The following EFNB1 variants were observed in gnomAD, a reference collection of about 807,000 sequenced individuals.
EFNB1 encodes ephrin-B1.
EFNB1 carries 1 observed loss-of-function variant against 18.1 expected under a neutral mutation model. The observed-to-expected ratio is 0.06, with a 90% CI of 0.02 to 0.26. The LOEUF (loss-of-function observed/expected upper bound fraction) is 0.26. Ranked by LOEUF, EFNB1 falls within the 10% of genes least tolerant of loss-of-function variation. EFNB1 has a pLI of 1.00. For synonymous variants in EFNB1, 131 were observed against 127.5 expected (o/e 1.03, Z -0.19); for missense variants, 221 against 301.8 (o/e 0.73, Z 1.98).
At chrX:68,833,083 TG>T (rs1219937120) in intron 1 of EFNB1, among the ~76,000 whole-genome samples, 1 of 101,351 alleles carries the variant, frequency 9.9e-6, no homozygotes, top group Admixed American at 1.0e-4. Context: ...GGGGTGGGGG[TG>T]GGGGGGTTCA....
chrX:68,832,707 A>T (rs1569396953), intron 1 of EFNB1, among the ~76,000 whole-genome samples: 2 of 110,975 alleles, frequency 1.8e-5, no homozygotes. Context: ...GAGTGGCAGG[A>T]GCTTCTGCCT....
At chrX:68,834,761 G>T (rs923570691) in intron 1 of EFNB1, among the ~76,000 whole-genome samples, 3 of 112,556 alleles carry the variant, frequency 2.7e-5, no homozygotes, top group Non-Finnish European at 3.8e-5. Context: ...ACTTGGGCTT[G>T]CATGGCCTAG....
chrX:68,829,752 C>A lies in EFNB1; in HGVS notation c.-25C>A. 1 of 1,181,715 alleles carries A rather than the reference C, an allele frequency of 8.5e-7. No homozygotes were observed. On this transcript the variant is annotated 5_prime_UTR_variant, in exon 1 of 5. Transcript: ENST00000204961. ...TTGGTGAGGAGGCGCCAAGGGATCCCGAAGTGCAGTCTGCCCCCGGGAAGA... is the reference window on the plus strand; with the variant it reads ...TTGGTGAGGAGGCGCCAAGGGATCCAGAAGTGCAGTCTGCCCCCGGGAAGA...
chrX:68,838,980 C>T (rs917291771), intron 2 of EFNB1, 86 bp downstream of exon 2: 57 of 1,089,893 alleles, frequency 5.2e-5, no homozygotes, highest in Non-Finnish European at 6.8e-5. Flanking sequence ...CTAAGTGGTG[C>T]AATGCTATTG....
At chrX:68,839,812 A>T in intron 3 of EFNB1, 56 bp downstream of exon 3, 2 of 1,179,842 alleles carry the variant, frequency 1.7e-6, no homozygotes, top group South Asian at 1.8e-5. Flanking sequence ...TTTGGAACAG[A>T]TGTTCCTGGC....
In EFNB1 at chrX:68,838,599, C is replaced by A. The variant is rs2080468362; in HGVS notation, c.129-18C>A. 8.3e-7 allele frequency: 1 copy of A among 1,211,675 alleles called. No homozygotes were observed. ...CACCCCCAACCCTGAGGCTGACCAT[C>A]TTCTTCCTTCTGGGCAGGTTCCTGA... On this transcript the variant is annotated intron_variant, in intron 1 of 4. Transcript: ENST00000204961.
chrX:68,840,936 A>G lies in EFNB1; in HGVS notation c.*282A>G. ...GCAGGGCTGGACACTGATGGACAGC[A>G]GGCAGGGAGACAGTCCCCTGGCCCT... On this transcript the variant is annotated 3_prime_UTR_variant, in exon 5 of 5. Coordinates refer to ENST00000204961, the MANE Select transcript of EFNB1 (RefSeq NM_004429.5). The G allele has an allele frequency of 5.1e-6, 2 of 395,192 alleles. No homozygotes were observed. Among genetic ancestry groups the G allele is most frequent in the Non-Finnish European group, 8.8e-6 (2 of 226,215 alleles). The allele number at this position is 395,192 out of a possible 1,213,427, so 32.6% of individuals were successfully genotyped here.
chrX:68,832,338 C>T (rs1175608231), intron 1 of EFNB1, among the ~76,000 whole-genome samples: 1 of 110,357 alleles, frequency 9.1e-6, no homozygotes, highest in Non-Finnish European at 1.9e-5. Flanking sequence ...CTCTTTTTCT[C>T]AAGTCCTTTT....
At chrX:68,831,617 G>T (rs775107250) in intron 1 of EFNB1, among the ~76,000 whole-genome samples, 2 of 111,053 alleles carry the variant, frequency 1.8e-5, no homozygotes, top group Non-Finnish European at 3.8e-5. Context: ...GTTGAAATCC[G>T]CCTGGGGTAG....
At chrX:68,832,644 T>C (rs1239287262) in intron 1 of EFNB1, among the ~76,000 whole-genome samples, 2 of 111,761 alleles carry the variant, frequency 1.8e-5, no homozygotes, top group Non-Finnish European at 3.8e-5. Flanking sequence ...GGCCCAAGAC[T>C]CCCAAGCCTC....
chrX:68,838,934 G>T (rs1224541381), intron 2 of EFNB1, 40 bp downstream of exon 2: 1 of 1,175,415 alleles, frequency 8.5e-7, no homozygotes, highest in South Asian at 1.9e-5. Flanking sequence ...CTCTCCCTGG[G>T]CTTAACTCTT....
intron 1 of EFNB1, among the ~76,000 whole-genome samples, chrX:68,833,025 A>G (rs1320739737): frequency 9.3e-6 from 1 of 107,556 alleles, no homozygotes; most frequent in African/African-American, 3.4e-5. Context: ...CCCCACCTCC[A>G]GGGAGTCAGA....
chrX:68,837,435 C>T (rs2080463492), intron 1 of EFNB1, among the ~76,000 whole-genome samples: 1 of 112,231 alleles, frequency 8.9e-6, no homozygotes, highest in Non-Finnish European at 1.9e-5. Context: ...AACTGAAGCT[C>T]AGAACAGGCA....
intron 1 of EFNB1, among the ~76,000 whole-genome samples, chrX:68,832,111 T>C (rs1045298036): frequency 2.7e-5 from 3 of 110,585 alleles, no homozygotes; most frequent in African/African-American, 9.9e-5. Flanking sequence ...GGGCTGCTTC[T>C]GCCACCGCGC....
At position 68,832,586 on chromosome X, in the gene EFNB1, C is replaced by T. The variant is rs571211272; in HGVS notation, c.128+2682C>T. Among the ~76,000 whole-genome samples the T allele has an allele frequency of 2.1e-4, 24 of 111,653 alleles. No individual in the cohort carries two copies. The South Asian group carries it at 8.9e-3, about 41-fold the overall frequency. ...GGGTCCGCTTCCAGGTTCCAAGGTG[C>T]GTGCGGCCCGGCCCCAGCCCTGACT... is the stretch of plus-strand genomic sequence containing the variant. On this transcript the variant is annotated intron_variant, in intron 1 of 4. Coordinates refer to ENST00000204961, the MANE Select transcript of EFNB1 (RefSeq NM_004429.5).
At chrX:68,838,162 TGTGTGTGTGTGC>T (rs1413109742) in intron 1 of EFNB1, among the ~76,000 whole-genome samples, 56 of 59,541 alleles carry the variant, frequency 9.4e-4, no homozygotes, top group African/African-American at 6.6e-3. Context: ...TGTGTGTGTG[TGTGTGTGTGTGC>T]GCGCGCGCGC....
intron 1 of EFNB1, among the ~76,000 whole-genome samples, chrX:68,832,173 C>T (rs1048771620): frequency 4.5e-5 from 5 of 110,667 alleles, no homozygotes; most frequent in African/African-American, 6.6e-5. Context: ...TCTCTGTCTC[C>T]CTCCCTCTCT....
In EFNB1 at chrX:68,838,812, A is replaced by G; in HGVS notation, c.324A>G (p.Ile108Met). Residue 108 changes from isoleucine to methionine, a missense_variant, in exon 2 of 5, where the codon ATA becomes ATG. Coordinates refer to ENST00000204961, the MANE Select transcript of EFNB1 (RefSeq NM_004429.5). ...CCTGCAATAGGCCAGAGCAGGAAAT[A>G]CGCTTTACCATCAAGTTCCAGGAGT... ...LVTCNRPEQE[I>M]RFTIKFQEFS... 1 of 1,205,997 alleles carries G rather than the reference A, an allele frequency of 8.3e-7. No individual in the cohort carries two copies. Among genetic ancestry groups the G allele is most frequent in the Non-Finnish European group, 1.1e-6 (1 of 892,543 alleles).
At chrX:68,833,857 G>A (rs185332534) in intron 1 of EFNB1, among the ~76,000 whole-genome samples, 2 of 112,582 alleles carry the variant, frequency 1.8e-5, no homozygotes, top group African/African-American at 3.2e-5. Context: ...TGATCTCATC[G>A]AATGCTCCCA....
Sources: gnomAD v4.1 joint callset for allele counts (sites outside exome capture counted in the v4.1 genomes callset) on GRCh38, gnomAD v4.1.1 for gene constraint, MANE v1.5 for transcripts, NCBI Gene and HGNC (gene_info 2026-07-23, HGNC 2026-07-21) for gene names.